POLD1: variants seen among roughly 807,000 people sequenced by gnomAD.
POLD1 encodes the protein DNA polymerase delta 1, catalytic subunit.
In POLD1, 79 loss-of-function variants were observed where a neutral mutation model predicts 129.7. That is an observed-to-expected ratio of 0.61 (90% CI 0.51 to 0.73). The LOEUF is 0.73. POLD1 is among the 30% of genes least tolerant of loss of function. The probability of loss-of-function intolerance (pLI) is 0.00; values close to 1 mark genes in which losing one functional copy is unlikely to be tolerated. For synonymous variants in POLD1, 714 were observed against 683.3 expected, an observed-to-expected ratio of 1.04 and a Z score of -0.70; for missense variants, 1,338 against 1,595.8, an observed-to-expected ratio of 0.84 and a Z score of 2.75.
In POLD1 at chr19:50,417,686, C is replaced by G. The variant is rs891864743; in HGVS notation, c.3219-156C>G. Among the ~76,000 whole-genome samples the G allele has an allele frequency of 1.6e-3, 228 of 139,176 alleles. 6 individuals are homozygous for G. In the South Asian group the frequency reaches 0.037, roughly 22 times the overall value. 91.3% of individuals were successfully genotyped at this position (139,176 alleles called of 152,430 possible). A position where few individuals can be genotyped will look rare whatever the true frequency, so the allele number is the denominator to read the frequency against. ...TGTTATCGGCTCCCCCCCCCCACCC[C>G]CCCCGTGCCTGCTGAGCAAACAGCC... On this transcript the variant is annotated intron_variant, in intron 26 of 26. Coordinates refer to ENST00000440232, the MANE Select transcript of POLD1 (RefSeq NM_002691.4).
rs1057522417 is a variant in POLD1 at position 50,406,169 on chromosome 19, C to T, written c.1243-13C>T. ...ACCCGCAGCCTGCTGCACACCCTGC[C>T]TCTCCTCCTCAGGTACAAACATTCC... On this transcript the variant is annotated splice_polypyrimidine_tract_variant and intron_variant, in intron 10 of 26. Coordinates refer to ENST00000440232, the MANE Select transcript of POLD1 (RefSeq NM_002691.4). This position sits in a 1 kb window ranked among gnomAD's most constrained non-coding sequence, Gnocchi z 5.5. 22 of 1,609,908 alleles carry T rather than the reference C, an allele frequency of 1.4e-5. No individual in the cohort carries two copies. Among genetic ancestry groups the T allele is most frequent in the Non-Finnish European group, 1.9e-5 (22 of 1,176,956 alleles).
chr19:50,387,406 GT>G (rs1180854482), intron 1 of POLD1, among the ~76,000 whole-genome samples: 1 of 152,180 alleles, frequency 6.6e-6, no homozygotes, highest in Non-Finnish European at 1.5e-5. Context: ...GTGTCATTTT[GT>G]TGCTGAATCT....
intron 3 of POLD1, 142 bp downstream of exon 3, chr19:50,399,626 A>G: frequency 1.5e-6 from 1 of 652,292 alleles, no homozygotes; most frequent in Non-Finnish European, 2.8e-6. Flanking sequence ...TCTGGTTGCC[A>G]TAGAGCTGTA....
rs527600840 is a variant in POLD1 at position 50,399,639 on chromosome 19, G to A, written c.316+155G>A. On this transcript the variant is annotated intron_variant, in intron 3 of 26. Transcript: ENST00000440232. ...CCTCTGGTTGCCATAGAGCTGTAGT[G>A]ACAGAACAGACCAGTGGGTGCCAGG... Among the ~76,000 whole-genome samples the A allele has an allele frequency of 8.5e-5, 13 of 152,332 alleles. No individual in the cohort carries two copies. The South Asian group carries it at 2.7e-3, about 32-fold the overall frequency.
In POLD1 at chr19:50,398,846, A is replaced by G; in HGVS notation, c.-1-5A>G. ...ACCTCCACCAAGCTCCAACTTGCCC[A>G]GCAGGATGGATGGCAAGCGGCGGCC... On this transcript the variant is annotated splice_polypyrimidine_tract_variant and splice_region_variant and intron_variant, in intron 1 of 26. Transcript: ENST00000440232. The G allele has an allele frequency of 6.2e-7, 1 of 1,608,128 alleles. No homozygotes were observed. The highest frequency in any genetic ancestry group is 8.5e-7 in the Non-Finnish European group (1 of 1,178,698).
intron 20 of POLD1, 75 bp from the exon 21 acceptor site, chr19:50,415,363 G>C: frequency 6.8e-7 from 1 of 1,462,068 alleles, no homozygotes; most frequent in Non-Finnish European, 9.4e-7. Flanking sequence ...CTGGTCTCCA[G>C]CCCTGAGACC....
At chr19:50,403,656 C>G (rs1392635326) in intron 10 of POLD1, 59 bp downstream of exon 10, 2 of 1,063,246 alleles carry the variant, frequency 1.9e-6, no homozygotes, top group Non-Finnish European at 2.9e-6. Flanking sequence ...CCTCCGGGCC[C>G]TGGGCCTCCT....
chr19:50,406,605 C>T lies in POLD1; in HGVS notation c.1494+88C>T. 3.2e-6 allele frequency: 3 copies of T among 946,876 alleles called. No individual in the cohort carries two copies. The highest frequency in any genetic ancestry group is 1.4e-5 in the South Asian group (1 of 69,578). The allele number at this position is 946,876 out of a possible 1,614,324, so 58.7% of individuals were successfully genotyped here. A position where few individuals can be genotyped will look rare whatever the true frequency, so the allele number is the denominator to read the frequency against. On this transcript the variant is annotated intron_variant, in intron 12 of 26. Transcript: ENST00000440232. This position sits in a 1 kb window ranked among gnomAD's most constrained non-coding sequence, Gnocchi z 5.5. ...CTCTGACCTCAACTTCACGCCCCCA[C>T]GTCTGACCTCACTCTTTGACCTGCT...
intron 1 of POLD1, among the ~76,000 whole-genome samples, chr19:50,393,265 C>T (rs1386969880): frequency 1.3e-5 from 2 of 152,190 alleles, no homozygotes; most frequent in Admixed American, 1.3e-4. Flanking sequence ...CTCTCCTACC[C>T]TAGGAGCAGC....
At chr19:50,416,932 G>A (rs2039319991) in intron 24 of POLD1, 113 bp from the exon 25 acceptor site, 8 of 1,238,924 alleles carry the variant, frequency 6.5e-6, no homozygotes, top group East Asian at 2.6e-5. Context: ...CACTTGCTCC[G>A]TTGTTCTCCA....
At position 50,413,407 on chromosome 19, in the gene POLD1, A is replaced by T; in HGVS notation, c.2155-19A>T. On this transcript the variant is annotated intron_variant, in intron 17 of 26. Transcript: ENST00000440232. ...CATGGCCCCCAGGGCTTCACTCCGCATGATTCTCTCCCCGACAGAGCGTCA... is the reference window on the plus strand; with the variant it reads ...CATGGCCCCCAGGGCTTCACTCCGCTTGATTCTCTCCCCGACAGAGCGTCA... The T allele has an allele frequency of 3.1e-6, 5 of 1,609,212 alleles. No individual in the cohort carries two copies. The highest frequency in any genetic ancestry group is 4.2e-6 in the Non-Finnish European group (5 of 1,177,058).
At chr19:50,396,589 T>C (rs971132300) in intron 1 of POLD1, among the ~76,000 whole-genome samples, 1 of 151,972 alleles carries the variant, frequency 6.6e-6, no homozygotes, top group Non-Finnish European at 1.5e-5. Context: ...ACCATTCTCC[T>C]GCCTCAGCCT....
At chr19:50,416,813 C>T in intron 24 of POLD1, 90 bp downstream of exon 24, 2 of 1,124,728 alleles carry the variant, frequency 1.8e-6, no homozygotes, top group Non-Finnish European at 2.5e-6. Flanking sequence ...TCGGCTGGCA[C>T]TGCCACCCAG....
rs774130423 is a variant in POLD1, at chr19:50,406,233, C to T, written c.1294C>T (p.Arg432Trp). ...GRVAGLCSNI[R>W]DSSFQSKQTG... is the part of the protein sequence containing the mutation. ...TGTGGCCGGCCTTTGCTCCAACATC[C>T]GGGACTCTTCATTCCAGTCCAAGCA... The change falls in exon 11 of 27, where the codon CGG becomes TGG. Residue 432 changes from arginine (R) to tryptophan (W), a missense_variant. Physicochemically the swap from Arg to Trp is moderately radical, Grantham distance 101. Around this residue, in one of 3 missense-constraint regions of POLD1, gnomAD observed 720 missense variants for 1,002.6 expected, o/e 0.72. Coordinates refer to ENST00000440232, the MANE Select transcript of POLD1 (RefSeq NM_002691.4). This position sits in a 1 kb window ranked among gnomAD's most constrained non-coding sequence, Gnocchi z 5.5. The T allele has an allele frequency of 1.9e-5, 31 of 1,613,898 alleles. No individual in the cohort carries two copies. The highest frequency in any genetic ancestry group is 1.3e-4 in the South Asian group (12 of 91,092).
In POLD1 at chr19:50,409,557, G is replaced by A. The variant is rs773665739; in HGVS notation, c.2045G>A (p.Arg682Gln). 1.6e-5 allele frequency: 26 copies of A among 1,613,514 alleles called. No homozygotes were observed. The highest frequency in any genetic ancestry group is 8.8e-5 in the South Asian group (8 of 91,084). The change falls in exon 17 of 27, where the codon CGG (arginine) becomes CAG (glutamine). Residue 682 changes from arginine to glutamine, a missense_variant. Coordinates refer to ENST00000440232, the MANE Select transcript of POLD1 (RefSeq NM_002691.4). This position sits in a 1 kb window ranked among gnomAD's most constrained non-coding sequence, Gnocchi z 5.8. Reference protein sequence around the residue: ...AELAKETDPLRRQVLDGRQLA... With the variant: ...AELAKETDPLQRQVLDGRQLA... Reference sequence around the variant, plus strand: ...CTGGCCAAGGAGACAGACCCCCTCCGGCGCCAGGTCCTGGATGGACGGCAG... The same window carrying A: ...CTGGCCAAGGAGACAGACCCCCTCCAGCGCCAGGTCCTGGATGGACGGCAG...
At chr19:50,399,716 T>C (rs1276701283) in intron 3 of POLD1, among the ~76,000 whole-genome samples, 1 of 152,224 alleles carries the variant, frequency 6.6e-6, no homozygotes, top group Non-Finnish European at 1.5e-5. Flanking sequence ...AGGGAGGTGC[T>C]TGGAGCGTTG....
intron 3 of POLD1, among the ~76,000 whole-genome samples, chr19:50,401,475 T>C (rs1339623640): frequency 1.4e-5 from 2 of 146,970 alleles, no homozygotes; most frequent in African/African-American, 5.0e-5. Context: ...TCCTGGGCTC[T>C]AGCGATCCTC....
Position 50,401,355 on chromosome 19 carries a change from T to TA in POLD1, c.317-423_317-422insA, listed in dbSNP as rs1568617748. On this transcript the variant is annotated intron_variant, in intron 3 of 26. Coordinates refer to ENST00000440232, the MANE Select transcript of POLD1 (RefSeq NM_002691.4). ...TTGTACATATAATATGTGTGTGTAT[T>TA]TGTGTATATGTGTATATATATATAT... Among the ~76,000 whole-genome samples, 44 of 123,744 alleles carry TA rather than the reference T, an allele frequency of 3.6e-4. No homozygotes were observed. The East Asian group carries it at 6.1e-3, about 17-fold the overall frequency. 81.2% of individuals were successfully genotyped at this position (123,744 alleles called of 152,430 possible). A position where few individuals can be genotyped will look rare whatever the true frequency, so the allele number is the denominator to read the frequency against.
In POLD1 at chr19:50,415,432, C is replaced by T. The variant is rs1601242860; in HGVS notation, c.2565-6C>T. On this transcript the variant is annotated splice_polypyrimidine_tract_variant and splice_region_variant and intron_variant, in intron 20 of 26. Coordinates refer to ENST00000440232, the MANE Select transcript of POLD1 (RefSeq NM_002691.4). ...TGGTGACGCTGTGCGGCCCGCTCTCCTACAGAGACCCTGAGGGCGCGGTGG... is the reference window on the plus strand; with the variant it reads ...TGGTGACGCTGTGCGGCCCGCTCTCTTACAGAGACCCTGAGGGCGCGGTGG... 1 of 1,611,704 alleles carries T rather than the reference C, an allele frequency of 6.2e-7. No individual in the cohort carries two copies. Among genetic ancestry groups the T allele is most frequent in the Non-Finnish European group, 8.5e-7 (1 of 1,179,318 alleles).
Sources: allele counts gnomAD v4.1 joint callset (sites outside exome capture counted in the v4.1 genomes callset), GRCh38; gene constraint gnomAD v4.1.1; regional missense constraint gnomAD v4.1.1; non-coding constraint Gnocchi (gnomAD v3.1); transcripts MANE v1.5; gene names NCBI Gene and HGNC (gene_info 2026-07-23, HGNC 2026-07-21).